Variants in NMNAT3 observed in about 807,000 individuals in gnomAD.
NMNAT3 encodes the protein nicotinamide nucleotide adenylyltransferase 3, also known as nicotinamide/nicotinic acid mononucleotide adenylyltransferase 3.
A neutral mutation model predicts 24.8 loss-of-function variants in NMNAT3; 21 were observed. The ratio of observed to expected loss-of-function variants is 0.85; its 90% CI spans 0.60 to 1.22. The LOEUF (loss-of-function observed/expected upper bound fraction) is 1.22, where lower values mean the gene tolerates loss of function less well. Among genes scored for constraint, NMNAT3 ranks in the 50% most tolerant of loss-of-function variants. The pLI is 0.00. For synonymous variants in NMNAT3, 136 were observed against 155.2 expected, an observed-to-expected ratio of 0.88 and a Z score of 0.92; for missense variants, 387 against 436.6, an observed-to-expected ratio of 0.89 and a Z score of 1.01.
At chr3:139,614,354 A>G (rs1430728361) in intron 3 of NMNAT3, among the ~76,000 whole-genome samples, 3 of 152,076 alleles carry the variant, frequency 2.0e-5, no homozygotes, top group Admixed American at 6.5e-5. Flanking sequence ...CTGCTAGTCT[A>G]CCAGACTCTC....
At chr3:139,582,639 C>CAAAAAAAAAAAAA (rs58495559) in intron 4 of NMNAT3, among the ~76,000 whole-genome samples, 39 of 57,468 alleles carry the variant, frequency 6.8e-4, no homozygotes, top group African/African-American at 1.0e-3. Context: ...GGGACTGTCT[C>CAAAAAAAAAAAAA]AAAAAAAAAA....
At chr3:139,579,685 G>A (rs986018345) in intron 4 of NMNAT3, among the ~76,000 whole-genome samples, 3 of 152,070 alleles carry the variant, frequency 2.0e-5, no homozygotes, top group Non-Finnish European at 2.9e-5. Flanking sequence ...AAACCACATG[G>A]GATTCATCTG....
chr3:139,585,092 T>C (rs1037878075), intron 3 of NMNAT3, among the ~76,000 whole-genome samples: 4 of 152,166 alleles, frequency 2.6e-5, no homozygotes, highest in African/African-American at 9.6e-5. Context: ...ACACATCAAT[T>C]TGATGCTGTT....
intron 3 of NMNAT3, among the ~76,000 whole-genome samples, chr3:139,591,643 T>C (rs1357037641): frequency 6.6e-6 from 1 of 152,188 alleles, no homozygotes; most frequent in Admixed American, 6.5e-5. Flanking sequence ...GACTGCCTCC[T>C]TAAGTGGGTC....
Position 139,561,272 on chromosome 3 carries a change from CCCACGCACA to C in NMNAT3, c.770_778del (p.Val257_Val259del), listed in dbSNP as rs757605502. 2 of 1,613,850 alleles carry C rather than the reference CCCACGCACA, an allele frequency of 1.2e-6. No individual in the cohort carries two copies. The highest frequency in any genetic ancestry group is 2.7e-5 in the African/African-American group (2 of 74,886). On this transcript the variant is annotated inframe_deletion, in exon 7 of 7. Coordinates refer to ENST00000643695, the MANE Select transcript of NMNAT3 (RefSeq NM_001320510.2). ...ACCTTTTGGGTCGTGACCTACTCGG[CCCACGCACA>C]CCAAGCCAAACTTCTCCACTATTTC...
At chr3:139,613,303 C>A (rs1047785173) in intron 3 of NMNAT3, among the ~76,000 whole-genome samples, 11 of 152,164 alleles carry the variant, frequency 7.2e-5, no homozygotes, top group African/African-American at 1.9e-4. Flanking sequence ...AATCAAACAA[C>A]CCCATCACAA....
At chr3:139,601,301 G>C (rs575615476) in intron 3 of NMNAT3, among the ~76,000 whole-genome samples, 15 of 152,344 alleles carry the variant, frequency 9.8e-5, no homozygotes, top group African/African-American at 3.4e-4. Flanking sequence ...AGCATGCAGA[G>C]ACAGACCTAA....
chr3:139,613,746 C>A (rs1219664115), intron 3 of NMNAT3, among the ~76,000 whole-genome samples: 1 of 152,034 alleles, frequency 6.6e-6, no homozygotes, highest in Non-Finnish European at 1.5e-5. Flanking sequence ...AAATGTCCAA[C>A]AATGATAGAC....
chr3:139,578,904 C>G lies in NMNAT3; in HGVS notation c.543G>C (p.Gln181His), dbSNP rs755103277. 1.4e-5 allele frequency: 23 copies of G among 1,614,162 alleles called. 1 individual carries two copies. In the South Asian group the frequency reaches 2.4e-4, roughly 17 times the overall value. Residue 181 changes from glutamine to histidine, a missense_variant, in exon 5 of 7, where the codon CAG (glutamine) becomes CAC (histidine). This residue lies in a region of NMNAT3 where 323 missense variants were observed against 345.2 expected (regional missense o/e 0.94). Transcript: ENST00000643695. ...CCTTCACTGTCTCCATCCACTGTGC[C>G]TGCTCACTCTCCCAAGGGTCCACCC...
intron 6 of NMNAT3, among the ~76,000 whole-genome samples, chr3:139,563,104 A>G (rs972154953): frequency 6.6e-6 from 1 of 152,196 alleles, no homozygotes; most frequent in African/African-American, 2.4e-5. Context: ...CACCCACTCA[A>G]CATTTATGAA....
intron 3 of NMNAT3, among the ~76,000 whole-genome samples, chr3:139,599,969 C>T (rs1283200464): frequency 6.6e-6 from 1 of 152,196 alleles, no homozygotes; most frequent in East Asian, 1.9e-4. Context: ...AGTCGGCCAG[C>T]TGGGACCACG....
intron 1 of NMNAT3, among the ~76,000 whole-genome samples, chr3:139,640,666 G>A (rs1306687683): frequency 1.3e-5 from 2 of 152,160 alleles, no homozygotes; most frequent in African/African-American, 4.8e-5. Flanking sequence ...GTTGGGAGGT[G>A]CAGGCAAGAG....
chr3:139,573,976 A>G (rs1283880870), intron 5 of NMNAT3, among the ~76,000 whole-genome samples: 2 of 152,198 alleles, frequency 1.3e-5, no homozygotes, highest in Admixed American at 6.5e-5. Context: ...ATTTCTCAAA[A>G]AAAAAAGGAG....
intron 6 of NMNAT3, among the ~76,000 whole-genome samples, chr3:139,564,523 G>A (rs1936882768): frequency 1.3e-5 from 2 of 152,168 alleles, no homozygotes; most frequent in African/African-American, 2.4e-5. Flanking sequence ...TTAAAGAACT[G>A]AAGGCATCAT....
intron 3 of NMNAT3, among the ~76,000 whole-genome samples, chr3:139,596,953 TA>T (rs1559891205): frequency 4.9e-4 from 52 of 106,704 alleles, no homozygotes; most frequent in African/African-American, 8.6e-4. Context: ...TATATATATA[TA>T]TATATATATA....
At position 139,561,290 on chromosome 3, in the gene NMNAT3, A is replaced by G. The variant is rs1455437821; in HGVS notation, c.761T>C (p.Phe254Ser). The G allele has an allele frequency of 1.9e-6, 3 of 1,614,012 alleles. No homozygotes were observed. Among genetic ancestry groups the G allele is most frequent in the East Asian group, 2.2e-5 (1 of 44,876 alleles). Residue 254 changes from phenylalanine to serine, a missense_variant, in exon 7 of 7, where the codon TTT becomes TCT. Coordinates refer to ENST00000643695, the MANE Select transcript of NMNAT3 (RefSeq NM_001320510.2). ...TACTCGGCCCACGCACACCAAGCCA[A>G]ACTTCTCCACTATTTCCTGGATGTG...
At chr3:139,633,168 G>C (rs772794006) in intron 2 of NMNAT3, among the ~76,000 whole-genome samples, 3 of 143,728 alleles carry the variant, frequency 2.1e-5, no homozygotes, top group Non-Finnish European at 4.6e-5. Flanking sequence ...GAATACATTT[G>C]TGTTTTTGTT....
intron 3 of NMNAT3, among the ~76,000 whole-genome samples, chr3:139,624,165 A>G (rs943631720): frequency 1.3e-5 from 2 of 152,028 alleles, no homozygotes; most frequent in African/African-American, 2.4e-5. Flanking sequence ...TTGATTTGAG[A>G]CCTTTTTTTC....
At chr3:139,580,492 T>A (rs1255513535) in intron 4 of NMNAT3, among the ~76,000 whole-genome samples, 1 of 152,102 alleles carries the variant, frequency 6.6e-6, no homozygotes, top group Admixed American at 6.5e-5. Context: ...AGAGTTTAAT[T>A]TGTGTTGTCA....
Sources: gnomAD v4.1 joint callset for allele counts (sites outside exome capture counted in the v4.1 genomes callset) on GRCh38, gnomAD v4.1.1 for gene constraint, gnomAD v4.1.1 regional missense constraint, MANE v1.5 for transcripts, NCBI Gene and HGNC (gene_info 2026-07-23, HGNC 2026-07-21) for gene names.